The following USP24 variants were observed in gnomAD, a reference collection of about 807,000 sequenced individuals.
USP24 encodes the protein ubiquitin carboxyl-terminal hydrolase 24.
USP24 carries 97 observed loss-of-function variants against 361.6 expected under a neutral mutation model. That is an observed-to-expected ratio of 0.27 (90% CI 0.23 to 0.32). The LOEUF (loss-of-function observed/expected upper bound fraction) is 0.32. USP24 is among the 10% of genes least tolerant of loss of function. The probability of loss-of-function intolerance (pLI) is 1.00; values close to 1 mark genes in which losing one functional copy is unlikely to be tolerated. For synonymous variants in USP24, 1,098 were observed against 1,124.6 expected (o/e 0.98, Z 0.47); for missense variants, 2,353 against 3,165.6 (o/e 0.74, Z 6.16).
At chr1:55,142,274 C>A (rs1262887075) in intron 23 of USP24, among the ~76,000 whole-genome samples, 2 of 152,132 alleles carry the variant, frequency 1.3e-5, no homozygotes, top group Non-Finnish European at 2.9e-5. Flanking sequence ...CATTACACAG[C>A]AGGCTTCTAA....
rs76190526 is a variant in USP24, at chr1:55,079,364, C to G, written c.7200+174G>C. Among the ~76,000 whole-genome samples, 1,151 of 152,284 alleles carry G rather than the reference C, an allele frequency of 7.6e-3. 11 individuals are homozygous for G. Among genetic ancestry groups the G allele is most frequent in the African/African-American group, 0.027 (1,117 of 41,546 alleles). On this transcript the variant is annotated intron_variant, in intron 60 of 67. Coordinates refer to ENST00000294383, the MANE Select transcript of USP24 (RefSeq NM_015306.3). ...CCTGGAGGTCTGGACCTTGGCTGAA[C>G]AGAAGACTAATAACATTCTCTTCCA...
chr1:55,169,927 G>T (rs1649284334), intron 5 of USP24, among the ~76,000 whole-genome samples: 1 of 152,144 alleles, frequency 6.6e-6, no homozygotes, highest in East Asian at 1.9e-4. Flanking sequence ...GCGAGCACAT[G>T]CAACATTCTA....
chr1:55,188,147 A>G (rs1644183926), intron 1 of USP24, among the ~76,000 whole-genome samples: 1 of 152,206 alleles, frequency 6.6e-6, no homozygotes, highest in South Asian at 2.1e-4. Flanking sequence ...TTTCACAAAG[A>G]CAAAAAAGTA....
intron 44 of USP24, among the ~76,000 whole-genome samples, chr1:55,100,464 C>T (rs1645604972): frequency 6.6e-6 from 1 of 151,264 alleles, no homozygotes; most frequent in Non-Finnish European, 1.5e-5. Flanking sequence ...CCATTGCACT[C>T]CAGCCTGGGC....
chr1:55,188,294 G>A (rs1054706580), intron 1 of USP24, among the ~76,000 whole-genome samples: 3 of 152,038 alleles, frequency 2.0e-5, no homozygotes, highest in Non-Finnish European at 4.4e-5. Flanking sequence ...AAATATTCAT[G>A]ACCTTGGATT....
chr1:55,100,804 C>T (rs775072308), intron 44 of USP24, 35 bp downstream of exon 44: 1 of 1,555,880 alleles, frequency 6.4e-7, no homozygotes, highest in Non-Finnish European at 8.7e-7. Context: ...AAATATTTAA[C>T]ATCTTTAAAT....
chr1:55,168,369 T>A (rs1337533142), intron 5 of USP24, among the ~76,000 whole-genome samples: 1 of 151,776 alleles, frequency 6.6e-6, no homozygotes, highest in Non-Finnish European at 1.5e-5. Flanking sequence ...ATAACACTAC[T>A]GGATAAAAAC....
chr1:55,157,147 T>C (rs1186347946), intron 11 of USP24, 96 bp from the exon 12 acceptor site: 1 of 1,367,856 alleles, frequency 7.3e-7, no homozygotes, highest in Non-Finnish European at 1.0e-6. Flanking sequence ...TACTATAAGA[T>C]CATTTAAAGA....
At position 55,200,679 on chromosome 1, in the gene USP24, T is replaced by C. The variant is rs150809812; in HGVS notation, c.324+14111A>G. Among the ~76,000 whole-genome samples, 778 of 152,314 alleles carry C rather than the reference T, an allele frequency of 5.1e-3. 6 individuals carry two copies. Among genetic ancestry groups the C allele is most frequent in the Non-Finnish European group, 8.8e-3 (596 of 68,016 alleles). ...TGACAATCTGAAACAAAAACAACAC[T>C]AAAAGTCAGTTTTCTGCTTTAATTA... On this transcript the variant is annotated intron_variant, in intron 1 of 67. Coordinates refer to ENST00000294383, the MANE Select transcript of USP24 (RefSeq NM_015306.3).
intron 47 of USP24, 66 bp from the exon 48 acceptor site, chr1:55,097,783 A>C: frequency 3.3e-6 from 5 of 1,509,308 alleles, no homozygotes; most frequent in East Asian, 2.4e-5. Flanking sequence ...AAAACAGCAC[A>C]GTAATTAATG....
chr1:55,205,059 A>G (rs1215473893), intron 1 of USP24, among the ~76,000 whole-genome samples: 2 of 152,226 alleles, frequency 1.3e-5, no homozygotes, highest in Admixed American at 1.3e-4. Flanking sequence ...CTGTGAGTGC[A>G]ACTACCAATG....
chr1:55,106,664 T>A (rs1322919028), intron 40 of USP24, among the ~76,000 whole-genome samples: 1 of 152,230 alleles, frequency 6.6e-6, no homozygotes, highest in Non-Finnish European at 1.5e-5. Flanking sequence ...TAAAATGATA[T>A]GCCTTTCTCT....
intron 38 of USP24, among the ~76,000 whole-genome samples, chr1:55,115,959 T>G (rs950108867): frequency 2.0e-5 from 3 of 151,654 alleles, no homozygotes; most frequent in Non-Finnish European, 4.4e-5. Context: ...TAAGTGGGAG[T>G]TGAATAATGA....
At chr1:55,079,434 A>G in intron 60 of USP24, 104 bp downstream of exon 60, 1 of 1,424,696 alleles carries the variant, frequency 7.0e-7, no homozygotes, top group Non-Finnish European at 9.4e-7. Context: ...ATTTGAAAGA[A>G]CCATTTCTTA....
intron 2 of USP24, among the ~76,000 whole-genome samples, 172 bp from the exon 3 acceptor site, chr1:55,176,615 G>A (rs1044975677): frequency 3.9e-5 from 6 of 152,100 alleles, no homozygotes; most frequent in South Asian, 4.1e-4. Context: ...TAGTTCTTAC[G>A]AAATTATTAA....
intron 1 of USP24, among the ~76,000 whole-genome samples, chr1:55,185,620 G>A (rs1644109470): frequency 6.6e-6 from 1 of 152,088 alleles, no homozygotes; most frequent in Non-Finnish European, 1.5e-5. Context: ...GAGTGCAAAG[G>A]CACAATCATG....
At chr1:55,148,272 T>TG (rs1459418328) in intron 17 of USP24, among the ~76,000 whole-genome samples, 191 bp downstream of exon 17, 4 of 131,728 alleles carry the variant, frequency 3.0e-5, no homozygotes, top group African/African-American at 1.3e-4. Context: ...GTTAAGGAGA[T>TG]TAAAAAAAAA....
intron 2 of USP24, 68 bp downstream of exon 2, chr1:55,177,899 G>T: frequency 7.0e-7 from 1 of 1,436,494 alleles, no homozygotes; most frequent in South Asian, 1.3e-5. Context: ...CAACAACAAA[G>T]GCTAAGATTA....
At chr1:55,083,158 T>C in intron 58 of USP24, 114 bp downstream of exon 58, 2 of 948,688 alleles carry the variant, frequency 2.1e-6, no homozygotes, top group Admixed American at 2.8e-5. Context: ...CAAGTCTCTA[T>C]GGTACTACTA....
Sources: gnomAD v4.1 joint callset for allele counts (sites outside exome capture counted in the v4.1 genomes callset) on GRCh38, gnomAD v4.1.1 for gene constraint, MANE v1.5 for transcripts, NCBI Gene and HGNC (gene_info 2026-07-23, HGNC 2026-07-21) for gene names.